The following ACTL8 variants were observed in gnomAD, a reference collection of about 807,000 sequenced individuals.
The protein encoded by ACTL8 is actin-like protein 8.
ACTL8 carries 3 observed loss-of-function variants against 9.3 expected under a neutral mutation model. The observed-to-expected ratio is 0.32, with a 90% CI of 0.15 to 0.83. ACTL8 has a LOEUF of 0.83. Ranked by LOEUF, ACTL8 falls within the 40% of genes least tolerant of loss-of-function variation. The pLI, the probability that ACTL8 is intolerant of heterozygous loss-of-function variation, is 0.57. For synonymous variants in ACTL8, 224 were observed against 205.9 expected (o/e 1.09, Z -0.75); for missense variants, 381 against 492.2 (o/e 0.77, Z 2.14).
At chr1:17,808,008 T>C (rs1216466241) in intron 1 of ACTL8, among the ~76,000 whole-genome samples, 2 of 152,136 alleles carry the variant, frequency 1.3e-5, no homozygotes, top group East Asian at 3.9e-4. Flanking sequence ...AAGTATGCCA[T>C]GTTAGCAGCA....
chr1:17,781,668 C>T (rs532931912), intron 1 of ACTL8, among the ~76,000 whole-genome samples: 1 of 152,266 alleles, frequency 6.6e-6, no homozygotes, highest in South Asian at 2.1e-4. Context: ...ATTCTGAGGT[C>T]CTGGGGTAGA....
At chr1:17,766,120 T>C (rs4920381) in intron 1 of ACTL8, among the ~76,000 whole-genome samples, 62,681 of 152,080 alleles carry the variant, frequency 0.41, 13,264 homozygotes, top group East Asian at 0.63. Context: ...GCACTGCTGA[T>C]GTCTCCAAAG....
intron 2 of ACTL8, 29 bp from the exon 3 acceptor site, chr1:17,825,738 T>G: frequency 6.3e-7 from 1 of 1,598,266 alleles, no homozygotes; most frequent in Non-Finnish European, 8.5e-7. Flanking sequence ...TGGGGGGAAA[T>G]GCACTGAGTG....
intron 1 of ACTL8, among the ~76,000 whole-genome samples, chr1:17,761,110 G>A (rs987472094): frequency 5.9e-5 from 9 of 151,880 alleles, no homozygotes; most frequent in Non-Finnish European, 1.0e-4. Context: ...ATGCAAACTC[G>A]GGGACAGGGG....
At position 17,767,020 on chromosome 1, in the gene ACTL8, T is replaced by C. The variant is rs2066049523; in HGVS notation, c.-25+11516T>C. ...TGCAGATGATGAATGTGGTTTCAGGTTGGGAGAACTATGGAGAACAATGAA... is the reference window on the plus strand; with the variant it reads ...TGCAGATGATGAATGTGGTTTCAGGCTGGGAGAACTATGGAGAACAATGAA... On this transcript the variant is annotated intron_variant, in intron 1 of 2. Transcript: ENST00000375406. The surrounding 1 kb of genome is among the most constrained non-coding windows in gnomAD (Gnocchi z 4.7). Among the ~76,000 whole-genome samples, 1 of 151,970 alleles carries C rather than the reference T, an allele frequency of 6.6e-6. No individual in the cohort carries two copies. Among genetic ancestry groups the C allele is most frequent in the African/African-American group, 2.4e-5 (1 of 41,334 alleles).
chr1:17,805,663 C>T (rs2066355795), intron 1 of ACTL8, among the ~76,000 whole-genome samples: 1 of 152,276 alleles, frequency 6.6e-6, no homozygotes, highest in Admixed American at 6.5e-5. Flanking sequence ...CAGGCGTGAG[C>T]CACTGCGTCC....
At chr1:17,819,098 G>T (rs1283655461) in intron 1 of ACTL8, among the ~76,000 whole-genome samples, 1 of 152,194 alleles carries the variant, frequency 6.6e-6, no homozygotes, top group East Asian at 1.9e-4. Context: ...CACCAACCTG[G>T]AGTCCTTTTC....
intron 1 of ACTL8, among the ~76,000 whole-genome samples, chr1:17,776,852 T>G (rs964170395): frequency 2.6e-5 from 4 of 151,862 alleles, no homozygotes; most frequent in African/African-American, 9.7e-5. Flanking sequence ...CAGGCAGGAG[T>G]GCAGTGGTAA....
chr1:17,759,289 C>T (rs533903896), intron 1 of ACTL8, among the ~76,000 whole-genome samples: 140 of 152,372 alleles, frequency 9.2e-4, no homozygotes, highest in African/African-American at 3.4e-3. Context: ...CGAGGAGCCT[C>T]TGCAGCAGGG....
Position 17,826,404 on chromosome 1 carries a change from A to G in ACTL8, c.986A>G (p.Glu329Gly), listed in dbSNP as rs1189483303. 1.2e-6 allele frequency: 2 copies of G among 1,613,974 alleles called. No homozygotes were observed. The highest frequency in any genetic ancestry group is 2.7e-5 in the African/African-American group (2 of 74,902). The stretch of plus-strand genomic sequence containing the variant: ...TCCTCCACCAAGGCCACAGTCTGGG[A>G]GGGTTCCAATAGAAACTTTAGTGTC... ...HVSSTKATVW[E>G]GSNRNFSVWL... Residue 329 changes from glutamate (E) to glycine (G), a missense_variant, in exon 3 of 3, where the codon GAG becomes GGG. Glu to Gly is a moderately conservative substitution (Grantham distance 98). Transcript: ENST00000375406. The surrounding 1 kb of genome is among the most constrained non-coding windows in gnomAD (Gnocchi z 4.5).
chr1:17,756,067 C>CT (rs2065967630), intron 1 of ACTL8, among the ~76,000 whole-genome samples: 1 of 151,520 alleles, frequency 6.6e-6, no homozygotes, highest in South Asian at 2.1e-4. Context: ...CCCTCAGGGG[C>CT]TTTTTCTTTG....
Position 17,826,564 on chromosome 1 carries a change from C to G in ACTL8, c.*45C>G. ...AGAATGGGCTCCTGTTAGATGGGCA[C>G]GGGCGGATTAATTTTAGCAAAATGT... On this transcript the variant is annotated 3_prime_UTR_variant, in exon 3 of 3. Transcript: ENST00000375406. This position sits in a 1 kb window ranked among gnomAD's most constrained non-coding sequence, Gnocchi z 4.5. 2 of 1,450,206 alleles carry G rather than the reference C, an allele frequency of 1.4e-6. No individual in the cohort carries two copies. The highest frequency in any genetic ancestry group is 1.8e-6 in the Non-Finnish European group (2 of 1,092,418). 89.8% of individuals were successfully genotyped at this position (1,450,206 alleles called of 1,614,324 possible). A position where few individuals can be genotyped will look rare whatever the true frequency, so the allele number is the denominator to read the frequency against.
intron 1 of ACTL8, among the ~76,000 whole-genome samples, chr1:17,796,896 A>G (rs1036447859): frequency 1.3e-5 from 2 of 152,214 alleles, no homozygotes; most frequent in Non-Finnish European, 2.9e-5. Context: ...CAGCACCGGC[A>G]CTGCCGTGGC....
At position 17,798,682 on chromosome 1, in the gene ACTL8, A is replaced by T. The variant is rs1466845103; in HGVS notation, c.-24-24303A>T. Among the ~76,000 whole-genome samples, 3 of 152,332 alleles carry T rather than the reference A, an allele frequency of 2.0e-5. No individual in the cohort carries two copies. The East Asian group carries it at 5.8e-4, about 29-fold the overall frequency. On this transcript the variant is annotated intron_variant, in intron 1 of 2. Coordinates refer to ENST00000375406, the MANE Select transcript of ACTL8 (RefSeq NM_030812.3). Reference sequence around the variant, plus strand: ...GCAAAACTGCTTTTTAAAAAAATCTATCTTTGTTCCCCCAGGTAAAACAAG... The same window carrying T: ...GCAAAACTGCTTTTTAAAAAAATCTTTCTTTGTTCCCCCAGGTAAAACAAG...
chr1:17,813,022 A>G (rs138217458), intron 1 of ACTL8, among the ~76,000 whole-genome samples: 46 of 152,296 alleles, frequency 3.0e-4, no homozygotes, highest in African/African-American at 1.1e-3. Flanking sequence ...AAATTCACTT[A>G]TTAGTTCTAG....
chr1:17,762,410 A>G (rs1272643257), intron 1 of ACTL8, among the ~76,000 whole-genome samples: 1 of 151,960 alleles, frequency 6.6e-6, no homozygotes, highest in Non-Finnish European at 1.5e-5. Flanking sequence ...CCCCTGGGCC[A>G]TTTAAAACCA....
intron 1 of ACTL8, among the ~76,000 whole-genome samples, chr1:17,760,168 G>A (rs1360071061): frequency 6.6e-6 from 1 of 152,156 alleles, no homozygotes; most frequent in Non-Finnish European, 1.5e-5. Flanking sequence ...CCTCGAATGA[G>A]GTTCCTTTGG....
chr1:17,762,935 A>AGT (rs1254962656), intron 1 of ACTL8, among the ~76,000 whole-genome samples: 4 of 152,010 alleles, frequency 2.6e-5, no homozygotes. Flanking sequence ...TAATGGAATG[A>AGT]GTGTGTGTGA....
At chr1:17,760,746 C>T (rs1013906014) in intron 1 of ACTL8, among the ~76,000 whole-genome samples, 4 of 152,178 alleles carry the variant, frequency 2.6e-5, no homozygotes, top group Non-Finnish European at 5.9e-5. Flanking sequence ...ACAAGGTGGC[C>T]TTGGGTTCTG....
Sources: allele counts gnomAD v4.1 joint callset (sites outside exome capture counted in the v4.1 genomes callset), GRCh38; gene constraint gnomAD v4.1.1; non-coding constraint Gnocchi (gnomAD v3.1); transcripts MANE v1.5; gene names NCBI Gene and HGNC (gene_info 2026-07-23, HGNC 2026-07-21).